The following SLC36A1 variants were observed in gnomAD, a reference collection of about 807,000 sequenced individuals.
SLC36A1 encodes the protein proton-coupled amino acid transporter 1.
Under a neutral mutation model 47.5 loss-of-function variants are expected in SLC36A1, and 30 were observed. The ratio of observed to expected loss-of-function variants is 0.63; its 90% confidence interval spans 0.47 to 0.86. The LOEUF (loss-of-function observed/expected upper bound fraction) is 0.86. Among genes scored for constraint, SLC36A1 ranks in the 40% least tolerant of loss-of-function variants. The pLI is 0.00. For synonymous variants in SLC36A1, 255 were observed against 249.7 expected, an observed-to-expected ratio of 1.02 and a Z score of -0.20; for missense variants, 517 against 606.0, an observed-to-expected ratio of 0.85 and a Z score of 1.54.
chr5:151,411,131 T>C, the SLC36A1 span, among the ~76,000 whole-genome samples: 1 of 144,908 alleles, frequency 6.9e-6, no homozygotes, highest in Admixed American at 6.8e-5. Flanking sequence ...TCACAGAGCT[T>C]ATAAGCAGCA....
At chr5:151,412,423 G>C in the SLC36A1 span, 6 of 144,160 alleles carry the variant, frequency 4.2e-5, 1 homozygote. Flanking sequence ...TCCCTCTCTA[G>C]AGGAAATCAT....
chr5:151,364,923 A>G, the SLC36A1 span, among the ~76,000 whole-genome samples: 1 of 152,124 alleles, frequency 6.6e-6, no homozygotes, highest in African/African-American at 2.4e-5. Context: ...TAACCCTAGC[A>G]TTAAGATTAC....
chr5:151,498,197 G>A, the SLC36A1 span, among the ~76,000 whole-genome samples: 6 of 152,140 alleles, frequency 3.9e-5, no homozygotes, highest in African/African-American at 9.6e-5. Context: ...CACCCACCTC[G>A]GCCTCCCAAA....
intron 10 of SLC36A1, 86 bp downstream of exon 10, chr5:151,479,575 T>C (rs562000476): frequency 6.7e-7 from 1 of 1,491,908 alleles, no homozygotes; most frequent in South Asian, 1.3e-5. Flanking sequence ...ACAATGTGTG[T>C]TGTAGTGAAG....
the SLC36A1 span, among the ~76,000 whole-genome samples, chr5:151,346,440 C>G: frequency 3.7e-4 from 57 of 152,260 alleles, no homozygotes; most frequent in East Asian, 9.7e-3. Context: ...TCCATGCACC[C>G]TCCTTTAGTT....
the SLC36A1 span, among the ~76,000 whole-genome samples, chr5:151,348,180 GTTC>G: frequency 2.0e-5 from 3 of 152,130 alleles, no homozygotes; most frequent in South Asian, 6.2e-4. Flanking sequence ...AGTAAAGAGT[GTTC>G]TTCTGGAAAC....
intron 1 of SLC36A1, among the ~76,000 whole-genome samples, chr5:151,453,034 T>C (rs1753894607): frequency 6.6e-6 from 1 of 151,336 alleles, no homozygotes; most frequent in Non-Finnish European, 1.5e-5. Context: ...AAACCCCGTC[T>C]CTACTAAAAA....
intron 10 of SLC36A1, among the ~76,000 whole-genome samples, chr5:151,480,732 G>T (rs1026225714): frequency 1.3e-5 from 2 of 152,226 alleles, no homozygotes; most frequent in African/African-American, 4.8e-5. Context: ...ATTCCAAAGT[G>T]TATGTTTCCA....
the SLC36A1 span, among the ~76,000 whole-genome samples, chr5:151,358,285 TG>T: frequency 2.0e-5 from 3 of 151,658 alleles, no homozygotes; most frequent in Non-Finnish European, 4.4e-5. Context: ...GTTTTTTTTT[TG>T]TTGTTGAGAC....
chr5:151,362,338 C>T, the SLC36A1 span, among the ~76,000 whole-genome samples: 2 of 150,274 alleles, frequency 1.3e-5, no homozygotes, highest in African/African-American at 4.9e-5. Flanking sequence ...CTATTATTTC[C>T]TTTAGTTTGT....
intron 1 of SLC36A1, among the ~76,000 whole-genome samples, chr5:151,455,040 T>C (rs1754286999): frequency 6.6e-6 from 1 of 152,156 alleles, no homozygotes; most frequent in South Asian, 2.1e-4. Context: ...AATTTGTCAT[T>C]ATCCCCTTTA....
At chr5:151,532,087 C>T in the SLC36A1 span, 1 of 1,376,716 alleles carries the variant, frequency 7.3e-7, no homozygotes, top group Non-Finnish European at 1.0e-6. Context: ...GGCGGACAAG[C>T]TGGCTTGGGT....
At chr5:151,366,434 G>C in the SLC36A1 span, 1 of 207,812 alleles carries the variant, frequency 4.8e-6, no homozygotes. Context: ...AGGTCTTGAG[G>C]CTGGATCAGC....
the SLC36A1 span, among the ~76,000 whole-genome samples, chr5:151,374,062 G>T: frequency 6.6e-6 from 1 of 152,156 alleles, no homozygotes; most frequent in Non-Finnish European, 1.5e-5. Context: ...CTAGTCCAAG[G>T]TGCAAGGCCC....
chr5:151,527,879 G>T, the SLC36A1 span: 1 of 1,332,060 alleles, frequency 7.5e-7, no homozygotes, highest in East Asian at 2.3e-5. Context: ...AGACATTCTG[G>T]GAAGGTCTGA....
chr5:151,467,662 GTTGTTT>G, intron 6 of SLC36A1, 39 bp from the exon 7 acceptor site: 1 of 1,524,548 alleles, frequency 6.6e-7, no homozygotes, highest in East Asian at 2.3e-5. Context: ...ACCGGCCTCT[GTTGTTT>G]GAGAGGTGTT....
chr5:151,499,219 G>A, the SLC36A1 span, among the ~76,000 whole-genome samples: 11 of 152,290 alleles, frequency 7.2e-5, no homozygotes, highest in Admixed American at 3.3e-4. Context: ...TTTTGCAGCT[G>A]GATGCCTGAG....
chr5:151,406,834 G>T, the SLC36A1 span, among the ~76,000 whole-genome samples: 5 of 152,170 alleles, frequency 3.3e-5, no homozygotes, highest in African/African-American at 4.8e-5. Context: ...TCTTGGTCTT[G>T]CTGACTTCAA....
In SLC36A1 at chr5:151,464,504, C is replaced by T. The variant is rs1434515615; in HGVS notation, c.235-10C>T. 2 of 1,612,002 alleles carry T rather than the reference C, an allele frequency of 1.2e-6. No individual in the cohort carries two copies. The highest frequency in any genetic ancestry group is 1.7e-6 in the Non-Finnish European group (2 of 1,178,688). The stretch of plus-strand genomic sequence containing the variant: ...TCTCTCTCTCTTTTGCCTGCAATAT[C>T]TGTCCCCAGATGGGTCCCATCAGCC... On this transcript the variant is annotated splice_polypyrimidine_tract_variant and intron_variant, in intron 3 of 10. Coordinates refer to ENST00000243389, the MANE Select transcript of SLC36A1 (RefSeq NM_078483.4).
Sources: gnomAD v4.1 joint callset for allele counts (sites outside exome capture counted in the v4.1 genomes callset) on GRCh38, gnomAD v4.1.1 for gene constraint, MANE v1.5 for transcripts, NCBI Gene and HGNC (gene_info 2026-07-23, HGNC 2026-07-21) for gene names.